Variants in MATCAP2 observed in about 807,000 individuals in gnomAD.
The protein encoded by MATCAP2 is microtubule associated tyrosine carboxypeptidase 2, also known as putative tyrosine carboxypeptidase MATCAP2.
the MATCAP2 span, chr7:36,367,191 G>A: frequency 8.4e-7 from 1 of 1,188,862 alleles, no homozygotes; most frequent in African/African-American, 1.6e-5. Context: ...GCCCAGCAGC[G>A]CTTAGAACCT....
chr7:36,376,202 T>C, the MATCAP2 span, among the ~76,000 whole-genome samples: 16 of 152,230 alleles, frequency 1.1e-4, no homozygotes, highest in African/African-American at 3.9e-4. Context: ...ATTTTAGATC[T>C]TTCCTGCTTT....
At chr7:36,355,515 C>G in the MATCAP2 span, 300 of 152,264 alleles carry the variant, frequency 2.0e-3, 1 homozygote, top group African/African-American at 6.9e-3. Flanking sequence ...AGCAAAGAGA[C>G]CCTAACAAAG....
At chr7:36,382,534 C>T in the MATCAP2 span, among the ~76,000 whole-genome samples, 2 of 151,122 alleles carry the variant, frequency 1.3e-5, no homozygotes, top group Non-Finnish European at 2.9e-5. Context: ...GCCTTGTTGT[C>T]CAGGCAGGAG....
chr7:36,336,169 T>C, the MATCAP2 span: 1 of 1,535,776 alleles, frequency 6.5e-7, no homozygotes, highest in Non-Finnish European at 8.7e-7. Flanking sequence ...CTAGGCAGCC[T>C]TCCTTCATCA....
the MATCAP2 span, chr7:36,383,977 T>C: frequency 3.3e-6 from 3 of 904,750 alleles, no homozygotes; most frequent in East Asian, 6.1e-5. Flanking sequence ...GTGAATTAAG[T>C]ATAAATAGTC....
chr7:36,378,899 G>C, the MATCAP2 span, among the ~76,000 whole-genome samples: 1 of 152,248 alleles, frequency 6.6e-6, no homozygotes, highest in African/African-American at 2.4e-5. Flanking sequence ...CATGGGACCT[G>C]CTGAGCCAGG....
At chr7:36,352,360 G>A in the MATCAP2 span, among the ~76,000 whole-genome samples, 1 of 133,960 alleles carries the variant, frequency 7.5e-6, no homozygotes. Flanking sequence ...TTGCACCACT[G>A]TACTCCAGCC....
At chr7:36,368,076 G>C in the MATCAP2 span, 1 of 151,924 alleles carries the variant, frequency 6.6e-6, no homozygotes, top group East Asian at 1.9e-4. Context: ...AAAAAAGTAC[G>C]GTGGGAATGG....
chr7:36,381,025 C>T, the MATCAP2 span, among the ~76,000 whole-genome samples: 2 of 152,120 alleles, frequency 1.3e-5, no homozygotes, highest in Non-Finnish European at 2.9e-5. Context: ...AGGCATGTGG[C>T]CTCTTAGAAA....
the MATCAP2 span, among the ~76,000 whole-genome samples, chr7:36,349,964 T>TA: frequency 2.0e-5 from 3 of 152,198 alleles, no homozygotes; most frequent in African/African-American, 7.2e-5. Flanking sequence ...CTATGGAACA[T>TA]ACTAAACTCA....
chr7:36,357,007 G>A, the MATCAP2 span: 12 of 1,614,054 alleles, frequency 7.4e-6, no homozygotes, highest in Non-Finnish European at 1.0e-5. Context: ...CAGATTTGAA[G>A]AATCTCAGTT....
At chr7:36,379,847 C>CAGAGAGAGAGAGAGAGAG in the MATCAP2 span, among the ~76,000 whole-genome samples, 23 of 107,580 alleles carry the variant, frequency 2.1e-4, no homozygotes, top group Admixed American at 3.8e-4. Flanking sequence ...CACACACACA[C>CAGAGAGAGAGAGAGAGAG]AGAGAGAGAG....
chr7:36,326,960 A>T, the MATCAP2 span: 723,289 of 1,546,078 alleles, frequency 0.47, 172,450 homozygotes, highest in South Asian at 0.64. Flanking sequence ...ATGTAACTAC[A>T]ATGTACATTT....
the MATCAP2 span, among the ~76,000 whole-genome samples, chr7:36,381,610 G>T: frequency 6.6e-6 from 1 of 150,892 alleles, no homozygotes; most frequent in East Asian, 2.0e-4. Flanking sequence ...GGCGGAGGTT[G>T]CAGTGAGCTA....
the MATCAP2 span, among the ~76,000 whole-genome samples, chr7:36,376,354 T>TA: frequency 1.3e-5 from 2 of 152,328 alleles, no homozygotes; most frequent in African/African-American, 4.8e-5. Flanking sequence ...ATTTACCCAG[T>TA]AGTCATTCAG....
chr7:36,352,095 T>G, the MATCAP2 span, among the ~76,000 whole-genome samples: 3 of 151,916 alleles, frequency 2.0e-5, no homozygotes, highest in Non-Finnish European at 4.4e-5. Context: ...ATCAAACCCT[T>G]TCTTAAAATT....
chr7:36,364,139 G>A, the MATCAP2 span, among the ~76,000 whole-genome samples: 1 of 148,820 alleles, frequency 6.7e-6, no homozygotes. Flanking sequence ...CAAGGCTGGA[G>A]TGCAGTGGCA....
chr7:36,385,293 T>C, the MATCAP2 span, among the ~76,000 whole-genome samples: 2 of 152,168 alleles, frequency 1.3e-5, no homozygotes, highest in African/African-American at 4.8e-5. Context: ...CAGAAGAGGA[T>C]TTTCTTTTCT....
the MATCAP2 span, among the ~76,000 whole-genome samples, chr7:36,354,201 C>T: frequency 6.6e-6 from 1 of 152,216 alleles, no homozygotes; most frequent in African/African-American, 2.4e-5. Flanking sequence ...TATTCCAGTC[C>T]TGCAGCCTGC....
Sources: allele counts gnomAD v4.1 joint callset (sites outside exome capture counted in the v4.1 genomes callset), GRCh38; gene constraint gnomAD v4.1.1; transcripts MANE v1.5; gene names NCBI Gene and HGNC (gene_info 2026-07-23, HGNC 2026-07-21).